Variants in RBM45 observed in about 807,000 individuals in gnomAD.
RBM45 encodes RNA-binding protein 45.
RBM45 carries 39 observed loss-of-function variants against 58.5 expected under a neutral mutation model. The observed-to-expected ratio is 0.67, with a 90% CI of 0.52 to 0.87. The LOEUF is 0.87. RBM45 is among the 40% of genes least tolerant of loss of function. The pLI is 0.00. For missense variants in RBM45, 481 were observed against 581.6 expected (o/e 0.83, Z 1.78); for synonymous variants, 193 against 203.0 (o/e 0.95, Z 0.42).
chr2:178,127,895 T>C (rs1206345723), intron 9 of RBM45, among the ~76,000 whole-genome samples: 5 of 152,126 alleles, frequency 3.3e-5, no homozygotes, highest in African/African-American at 9.7e-5. Flanking sequence ...TAAATTATTC[T>C]TGTGGTTGAA....
chr2:178,133,490 A>G (rs1461527092), downstream of RBM45, among the ~76,000 whole-genome samples: 2 of 152,234 alleles, frequency 1.3e-5, no homozygotes, highest in African/African-American at 4.8e-5. Flanking sequence ...GGGTACAGAA[A>G]TACCTCTGTG....
intron 1 of RBM45, among the ~76,000 whole-genome samples, chr2:178,114,410 T>C (rs6753254): frequency 0.25 from 38,131 of 152,086 alleles, 6,030 homozygotes; most frequent in East Asian, 0.58. Context: ...GATAAATTTC[T>C]ATAAGAGAAA....
chr2:178,120,256 G>C, intron 3 of RBM45, 31 bp from the exon 4 acceptor site: 1 of 1,611,258 alleles, frequency 6.2e-7, no homozygotes, highest in Non-Finnish European at 8.5e-7. Context: ...TAAATTTGCT[G>C]TGAAACTTGA....
intron 4 of RBM45, 42 bp downstream of exon 4, chr2:178,120,451 A>G (rs754403208): frequency 5.9e-6 from 9 of 1,535,154 alleles, no homozygotes; most frequent in Non-Finnish European, 7.9e-6. Flanking sequence ...AATGTAGTAT[A>G]TGCAATCTAA....
chr2:178,119,986 T>C (rs1167247250), intron 3 of RBM45, among the ~76,000 whole-genome samples: 1 of 152,170 alleles, frequency 6.6e-6, no homozygotes, highest in Non-Finnish European at 1.5e-5. Context: ...GATTTTAATG[T>C]TGAGGAGCTT....
At chr2:178,120,805 G>T (rs2087839537) in intron 4 of RBM45, among the ~76,000 whole-genome samples, 1 of 152,142 alleles carries the variant, frequency 6.6e-6, no homozygotes, top group Non-Finnish European at 1.5e-5. Flanking sequence ...CTACAGAAAG[G>T]AGAGGAATGG....
chr2:178,129,728 CAT>C (rs2087985306), downstream of RBM45: 1 of 152,624 alleles, frequency 6.6e-6, no homozygotes. Flanking sequence ...GACTAAATGA[CAT>C]ATGTCATTGA....
At position 178,135,565 on chromosome 2, in the gene RBM45, G is replaced by A. The variant is rs537651194; in HGVS notation, c.*9-898G>A. ...GTATTTCACACACAAAAAGAAATCA[G>A]AAGTAAATCTCCCTTACATCATCCT... On this transcript the variant is annotated intron_variant, in intron 3 of 3. Coordinates refer to the RBM45 transcript ENST00000455903. 1.1e-4 allele frequency among the ~76,000 whole-genome samples: 16 copies of A among 152,298 alleles called. No homozygotes were observed. The South Asian group carries it at 2.1e-3, about 20-fold the overall frequency.
chr2:178,124,998 G>C (rs2087908983), intron 8 of RBM45, among the ~76,000 whole-genome samples: 1 of 151,982 alleles, frequency 6.6e-6, no homozygotes, highest in African/African-American at 2.4e-5. Context: ...TCCTTTCTTT[G>C]CTTTTTCTTT....
chr2:178,135,523 A>G (rs1285952631), intron 3 of RBM45, among the ~76,000 whole-genome samples: 3 of 152,238 alleles, frequency 2.0e-5, no homozygotes, highest in East Asian at 3.8e-4. Flanking sequence ...TTATTTTACT[A>G]TGATAACTCA....
Position 178,116,352 on chromosome 2 carries a change from T to G in RBM45, c.391T>G (p.Tyr131Asp), listed in dbSNP as rs1268640124. ...AATCTTTGTTATGATACCAAAGTCC[T>G]ACACAGAAGAAGATCTGCGGGAAAA... ...TRIFVMIPKS[Y>D]TEEDLREKFK... Residue 131 changes from tyrosine (Y) to aspartate (D), a missense_variant, in exon 2 of 10, where the codon TAC becomes GAC. By Grantham distance (160) the Tyr-to-Asp change is radical. Coordinates refer to ENST00000286070, the MANE Select transcript of RBM45 (RefSeq NM_152945.4). 2 of 1,606,002 alleles carry G rather than the reference T, an allele frequency of 1.2e-6. No homozygotes were observed. The highest frequency in any genetic ancestry group is 1.3e-5 in the African/African-American group (1 of 74,256).
intron 4 of RBM45, among the ~76,000 whole-genome samples, 177 bp downstream of exon 4, chr2:178,120,586 A>G (rs1407862901): frequency 6.6e-6 from 1 of 152,138 alleles, no homozygotes; most frequent in Non-Finnish European, 1.5e-5. Context: ...TTAATATTTA[A>G]CACTTATTTT....
intron 4 of RBM45, 108 bp from the exon 5 acceptor site, chr2:178,121,072 A>G: frequency 1.9e-6 from 1 of 515,804 alleles, no homozygotes; most frequent in Non-Finnish European, 3.4e-6. Flanking sequence ...TACAAAATAC[A>G]GTGCCTTTAT....
At chr2:178,118,580 C>A (rs1228845189) in intron 3 of RBM45, among the ~76,000 whole-genome samples, 2 of 151,868 alleles carry the variant, frequency 1.3e-5, no homozygotes, top group African/African-American at 2.4e-5. Context: ...AACTAATAAA[C>A]CTATAGGTTA....
At chr2:178,117,917 T>G in intron 2 of RBM45, 138 bp from the exon 3 acceptor site, 1 of 514,306 alleles carries the variant, frequency 1.9e-6, no homozygotes, top group South Asian at 4.8e-5. Context: ...CAAATACAAA[T>G]ATGCAATATC....
chr2:178,113,699 A>C (rs1048980744), intron 1 of RBM45, among the ~76,000 whole-genome samples: 1 of 152,184 alleles, frequency 6.6e-6, no homozygotes, highest in African/African-American at 2.4e-5. Flanking sequence ...GTAGTAGCCA[A>C]GATGTCACAG....
intron 2 of RBM45, 66 bp downstream of exon 2, chr2:178,116,450 A>C: frequency 7.3e-7 from 1 of 1,368,602 alleles, no homozygotes; most frequent in South Asian, 1.8e-5. Context: ...ATGGGTACTA[A>C]ATCTGAAATG....
chr2:178,132,470 T>G (rs577132958), downstream of RBM45, among the ~76,000 whole-genome samples: 138 of 152,332 alleles, frequency 9.1e-4, no homozygotes, highest in African/African-American at 3.3e-3. Context: ...ATAAGGGACT[T>G]TACCACTAGG....
chr2:178,112,543 C>G lies in RBM45; in HGVS notation c.-4C>G. ...GTGAGGCTCCTGCATTCGGGTGGAGCACCATGGACGAAGCTGGCAGCTCTG... is the reference window on the plus strand; with the variant it reads ...GTGAGGCTCCTGCATTCGGGTGGAGGACCATGGACGAAGCTGGCAGCTCTG... On this transcript the variant is annotated 5_prime_UTR_variant, in exon 1 of 10. Coordinates refer to ENST00000286070, the MANE Select transcript of RBM45 (RefSeq NM_152945.4). The G allele has an allele frequency of 6.2e-7, 1 of 1,611,544 alleles. No individual in the cohort carries two copies.
Sources: gnomAD v4.1 joint callset for allele counts (sites outside exome capture counted in the v4.1 genomes callset) on GRCh38, gnomAD v4.1.1 for gene constraint, MANE v1.5 for transcripts, NCBI Gene and HGNC (gene_info 2026-07-23, HGNC 2026-07-21) for gene names.